The following RNF10 variants were observed in gnomAD, a reference collection of about 807,000 sequenced individuals.
RNF10 encodes the protein E3 ubiquitin-protein ligase RNF10.
In RNF10, 38 loss-of-function variants were observed where a neutral mutation model predicts 91.4. The observed-to-expected ratio is 0.42, with a 90% confidence interval of 0.32 to 0.54. The LOEUF (loss-of-function observed/expected upper bound fraction) is 0.54, where lower values mean the gene tolerates loss of function less well. Among genes scored for constraint, RNF10 ranks in the 20% least tolerant of loss-of-function variants. RNF10 has a pLI of 0.16. For missense variants in RNF10, 945 were observed against 1,012.0 expected (o/e 0.93, Z 0.90); for synonymous variants, 364 against 366.3 (o/e 0.99, Z 0.07).
chr12:120,558,017 G>T (rs1874288074), intron 6 of RNF10, among the ~76,000 whole-genome samples: 1 of 152,192 alleles, frequency 6.6e-6, no homozygotes. Context: ...CAGACTGGTA[G>T]ACTGGCCATT....
In RNF10 at chr12:120,563,392, G is replaced by A; in HGVS notation, c.1300G>A (p.Val434Ile). ...LSAFDEETTE[V>I]CSLDTPSRPL... ...TGCCTTCGATGAAGAAACCACGGAAGTTTGTTCTCTGGACACTCCTTCTAG... is the reference window on the plus strand; with the variant it reads ...TGCCTTCGATGAAGAAACCACGGAAATTTGTTCTCTGGACACTCCTTCTAG... The change falls in exon 9 of 17, where the codon GTT (valine) becomes ATT (isoleucine). Residue 434 changes from valine to isoleucine, a missense_variant. Physicochemically the swap from Val to Ile is conservative, Grantham distance 29. Transcript: ENST00000325954. 1.2e-6 allele frequency: 2 copies of A among 1,613,988 alleles called. No homozygotes were observed. The highest frequency in any genetic ancestry group is 8.5e-7 in the Non-Finnish European group (1 of 1,180,024).
At chr12:120,571,548 C>G (rs1211361163) in intron 14 of RNF10, among the ~76,000 whole-genome samples, 2 of 152,140 alleles carry the variant, frequency 1.3e-5, no homozygotes, top group Non-Finnish European at 2.9e-5. Flanking sequence ...TGCACTGACT[C>G]TAATAATCAT....
rs756519075 is a variant in RNF10 at position 120,557,571 on chromosome 12, T to C, written c.856T>C (p.Tyr286His). 1.2e-6 allele frequency: 2 copies of C among 1,614,162 alleles called. No individual in the cohort carries two copies. The highest frequency in any genetic ancestry group is 2.2e-5 in the South Asian group (2 of 91,084). The change falls in exon 6 of 17, where the codon TAT becomes CAT. Residue 286 changes from tyrosine (Y) to histidine (H), a missense_variant. Tyr to His is a moderately conservative substitution (Grantham distance 83). Coordinates refer to ENST00000325954, the MANE Select transcript of RNF10 (RefSeq NM_014868.5). ...KSVVATESHQ[Y>H]VVGDTITMQL... ...TGTTGTTGCCACAGAGTCACATCAG[T>C]ATGTTGTTGGTGATACCATTACGAT...
Position 120,552,492 on chromosome 12 carries a change from T to C in RNF10, c.355-7T>C. 1 of 1,611,660 alleles carries C rather than the reference T, an allele frequency of 6.2e-7. No individual in the cohort carries two copies. The highest frequency in any genetic ancestry group is 1.1e-5 in the South Asian group (1 of 90,938). On this transcript the variant is annotated splice_region_variant and splice_polypyrimidine_tract_variant and intron_variant, in intron 2 of 16. Transcript: ENST00000325954. ...CTGAAATACTGATTCATTCTCATTC[T>C]CTCTAGGTAGCAGAGGCTCAACGGG...
chr12:120,554,774 A>G lies in RNF10; in HGVS notation c.611A>G (p.Asp204Gly). Residue 204 changes from aspartate (D) to glycine (G), a missense_variant, in exon 4 of 17, where the codon GAT (aspartate) becomes GGT (glycine). Transcript: ENST00000325954. ...TACACAGCTCATTTTGCTGATCCTG[A>G]TACATTAGTTAACTGGGACTTTGTG... is the stretch of plus-strand genomic sequence containing the variant. ...QDYTAHFADP[D>G]TLVNWDFVEQ... 6.2e-7 allele frequency: 1 copy of G among 1,614,124 alleles called. No homozygotes were observed. Among genetic ancestry groups the G allele is most frequent in the Non-Finnish European group, 8.5e-7 (1 of 1,179,978 alleles).
At chr12:120,548,936 C>T (rs1029019703) in intron 2 of RNF10, among the ~76,000 whole-genome samples, 4 of 151,894 alleles carry the variant, frequency 2.6e-5, no homozygotes, top group African/African-American at 9.7e-5. Flanking sequence ...TCCCAAAGTG[C>T]TGGGATTACA....
rs754318414 is a variant in RNF10, at chr12:120,563,810, C to T, written c.1532C>T (p.Ala511Val). Residue 511 changes from alanine (A) to valine (V), a missense_variant and splice_region_variant, in exon 10 of 17, where the codon GCG becomes GTG. Transcript: ENST00000325954. ...SSSPCYYFYQ[A>V]EDGQHMFLHP... is the part of the protein sequence containing the mutation. Reference sequence around the variant, plus strand: ...GTGTGATAGAGCCCCTTGTCCTCAGCGGAAGATGGACAGCATATGTTCCTG... The same window carrying T: ...GTGTGATAGAGCCCCTTGTCCTCAGTGGAAGATGGACAGCATATGTTCCTG... 9.3e-6 allele frequency: 15 copies of T among 1,613,930 alleles called. No homozygotes were observed. Among genetic ancestry groups the T allele is most frequent in the East Asian group, 4.5e-5 (2 of 44,880 alleles).
At chr12:120,565,298 C>A in intron 11 of RNF10, 109 bp downstream of exon 11, 2 of 1,122,766 alleles carry the variant, frequency 1.8e-6, no homozygotes, top group Non-Finnish European at 2.7e-6. Context: ...AGTCTTAGTA[C>A]CTCCTAAACA....
chr12:120,566,966 C>T lies in RNF10; in HGVS notation c.2027C>T (p.Pro676Leu), dbSNP rs753096104. 1.2e-6 allele frequency: 2 copies of T among 1,603,288 alleles called. No homozygotes were observed. Among genetic ancestry groups the T allele is most frequent in the African/African-American group, 2.7e-5 (2 of 73,934 alleles). ...ALSISPLSRS[P>L]GSHADFLLTP... ...TCCATTTCTCCTCTCAGCAGAAGTC[C>T]AGGTTCCCATGCAGGTAAACAGGTG... is the stretch of plus-strand genomic sequence containing the variant. The change falls in exon 13 of 17, where the codon CCA becomes CTA. Residue 676 changes from proline (P) to leucine (L), a missense_variant. By Grantham distance (98) the Pro-to-Leu change is moderately conservative (BLOSUM62 -3). Transcript: ENST00000325954.
chr12:120,556,814 T>C (rs1874096190), intron 4 of RNF10, among the ~76,000 whole-genome samples: 4 of 151,966 alleles, frequency 2.6e-5, no homozygotes, highest in Admixed American at 2.0e-4. Flanking sequence ...TTAGTTTTAT[T>C]ATATTTAACG....
chr12:120,537,817 A>G (rs1366933184), intron 1 of RNF10, among the ~76,000 whole-genome samples: 1 of 152,104 alleles, frequency 6.6e-6, no homozygotes, highest in East Asian at 1.9e-4. Flanking sequence ...ATGCTTCTTC[A>G]CTAGCCATAA....
At chr12:120,564,804 A>C (rs897051409) in intron 10 of RNF10, among the ~76,000 whole-genome samples, 1 of 152,162 alleles carries the variant, frequency 6.6e-6, no homozygotes, top group African/African-American at 2.4e-5. Context: ...AATCAGAAAC[A>C]GCTGATGGGC....
Position 120,577,228 on chromosome 12 carries a change from A to G in RNF10, c.*562A>G, listed in dbSNP as rs1238539358. The G allele has an allele frequency of 2.2e-6, 1 of 452,284 alleles. No individual in the cohort carries two copies. The highest frequency in any genetic ancestry group is 7.0e-5 in the East Asian group (1 of 14,220). 28.0% of individuals were successfully genotyped at this position (452,284 alleles called of 1,614,324 possible). ...ATGGCCAGGCTGTGGTGCCAGCTTA[A>G]TGGAGTAGGCTGTCCTTGGCACTTG... On this transcript the variant is annotated 3_prime_UTR_variant, in exon 17 of 17. Coordinates refer to ENST00000325954, the MANE Select transcript of RNF10 (RefSeq NM_014868.5).
chr12:120,574,012 G>C (rs1254186676), intron 14 of RNF10, among the ~76,000 whole-genome samples: 1 of 152,136 alleles, frequency 6.6e-6, no homozygotes, highest in Non-Finnish European at 1.5e-5. Flanking sequence ...GCATTAATCT[G>C]TTCATGAGGG....
At position 120,546,621 on chromosome 12, in the gene RNF10, C is replaced by A; in HGVS notation, c.354+20C>A. 1 of 1,603,514 alleles carries A rather than the reference C, an allele frequency of 6.2e-7. No individual in the cohort carries two copies. Among genetic ancestry groups the A allele is most frequent in the South Asian group, 1.1e-5 (1 of 90,274 alleles). ...GATGAGGTATGGAATTTGAGAATGT[C>A]CTTTCTAGAGCATAAGCATGAGATC... On this transcript the variant is annotated intron_variant, in intron 2 of 16. Coordinates refer to ENST00000325954, the MANE Select transcript of RNF10 (RefSeq NM_014868.5).
Position 120,557,648 on chromosome 12 carries a change from A to G in RNF10, c.933A>G (p.Lys311=). The change falls in exon 6 of 17, where the codon AAA becomes AAG. Residue 311 remains lysine, a synonymous_variant. Transcript: ENST00000325954. Reference sequence around the variant, plus strand: ...TGTTGGTGGCTTTGCCCAAATCCAAATGGATGAATGTAGACCATCCCATTC... The same window carrying G: ...TGTTGGTGGCTTTGCCCAAATCCAAGTGGATGAATGTAGACCATCCCATTC... The part of the protein sequence containing the change: ...KGVLVALPKS[K]WMNVDHPIHL... 6.2e-7 allele frequency: 1 copy of G among 1,614,214 alleles called. No individual in the cohort carries two copies. Among genetic ancestry groups the G allele is most frequent in the South Asian group, 1.1e-5 (1 of 91,086 alleles).
intron 7 of RNF10, among the ~76,000 whole-genome samples, chr12:120,561,350 C>T (rs911557426): frequency 1.3e-5 from 2 of 152,182 alleles, no homozygotes; most frequent in African/African-American, 4.8e-5. Context: ...GAACAGAATT[C>T]CCTGGGTCTT....
chr12:120,552,445 T>A, intron 2 of RNF10, 54 bp from the exon 3 acceptor site: 2 of 1,475,782 alleles, frequency 1.4e-6, no homozygotes, highest in Non-Finnish European at 1.9e-6. Flanking sequence ...GGGTTTCTGC[T>A]ATAAATCAGT....
chr12:120,547,533 A>G (rs73230306), intron 2 of RNF10, among the ~76,000 whole-genome samples: 6,914 of 152,184 alleles, frequency 0.045, 265 homozygotes, highest in South Asian at 0.1. Flanking sequence ...GCCTTAAGCA[A>G]TCCTCTCATC....
Sources: allele counts gnomAD v4.1 joint callset (sites outside exome capture counted in the v4.1 genomes callset), GRCh38; gene constraint gnomAD v4.1.1; transcripts MANE v1.5; gene names NCBI Gene and HGNC (gene_info 2026-07-23, HGNC 2026-07-21).